The following USP3 variants were observed in gnomAD, a reference collection of about 807,000 sequenced individuals.
The protein encoded by USP3 is ubiquitin carboxyl-terminal hydrolase 3.
A neutral mutation model predicts 72.3 loss-of-function variants in USP3; 20 were observed. That is an observed-to-expected ratio of 0.28 (90% CI 0.19 to 0.40). USP3 has a LOEUF of 0.40. Among genes scored for constraint, USP3 ranks in the 10% least tolerant of loss-of-function variants. USP3 has a pLI of 1.00. For synonymous variants in USP3, 222 were observed against 225.3 expected (o/e 0.99, Z 0.13); for missense variants, 479 against 633.9 (o/e 0.76, Z 2.62).
At chr15:63,558,236 C>A (rs1338871692) in intron 6 of USP3, 48 bp downstream of exon 6, 11 of 1,600,688 alleles carry the variant, frequency 6.9e-6, no homozygotes, top group Non-Finnish European at 9.4e-6. Flanking sequence ...AGGTTAAGAG[C>A]ACGGGCTCTG....
rs115504031 is a variant in USP3 at position 63,548,792 on chromosome 15, C to T, written c.285-4923C>T. Among the ~76,000 whole-genome samples the T allele has an allele frequency of 6.8e-3, 1,041 of 152,188 alleles. 14 individuals are homozygous for T. Among genetic ancestry groups the T allele is most frequent in the African/African-American group, 0.024 (1,001 of 41,496 alleles). ...CACTGCAACCTCTGTCTCCCGGGTTCAGGCAATTCTCATGCCTCAACCTCC... is the reference window on the plus strand; with the variant it reads ...CACTGCAACCTCTGTCTCCCGGGTTTAGGCAATTCTCATGCCTCAACCTCC... On this transcript the variant is annotated intron_variant, in intron 3 of 14. Transcript: ENST00000380324.
intron 3 of USP3, among the ~76,000 whole-genome samples, chr15:63,539,518 T>A (rs2066210603): frequency 6.6e-6 from 1 of 152,258 alleles, no homozygotes; most frequent in African/African-American, 2.4e-5. Flanking sequence ...TATATTTTAA[T>A]ATCTTTATAC....
At chr15:63,533,971 G>A (rs149317438) in intron 2 of USP3, 15 of 747,538 alleles carry the variant, frequency 2.0e-5, no homozygotes, top group Non-Finnish European at 2.2e-5. Context: ...CAGAAGTCTC[G>A]TAGTGCTCTA....
At chr15:63,580,079 A>G (rs748381269) in intron 11 of USP3, among the ~76,000 whole-genome samples, 1 of 152,144 alleles carries the variant, frequency 6.6e-6, no homozygotes, top group Non-Finnish European at 1.5e-5. Flanking sequence ...AAAATCAAAC[A>G]ATTTAAATGT....
intron 4 of USP3, among the ~76,000 whole-genome samples, chr15:63,554,153 C>CTTTT (rs1346777944): frequency 3.9e-5 from 6 of 152,052 alleles, no homozygotes; most frequent in Non-Finnish European, 8.8e-5. Context: ...TAATAGAAAA[C>CTTTT]CCCTGTCAAA....
Position 63,532,692 on chromosome 15 carries a change from G to C in USP3, c.137G>C (p.Ser46Thr). 6.2e-7 allele frequency: 1 copy of C among 1,614,020 alleles called. No homozygotes were observed. The highest frequency in any genetic ancestry group is 8.5e-7 in the Non-Finnish European group (1 of 1,179,940). The change falls in exon 2 of 15, where the codon AGT becomes ACT. Residue 46 changes from serine to threonine, a missense_variant. Physicochemically the swap from Ser to Thr is moderately conservative, Grantham distance 58. Transcript: ENST00000380324. Reference protein sequence around the residue: ...KSPWVCLTCSSVHCGRYVNGH... With the variant: ...KSPWVCLTCSTVHCGRYVNGH... ...CCTTGGGTCTGTTTGACTTGTTCAAGTGTCCACTGTGGAAGGTAGGTGACA... is the reference window on the plus strand; with the variant it reads ...CCTTGGGTCTGTTTGACTTGTTCAACTGTCCACTGTGGAAGGTAGGTGACA...
rs1350464210 is a variant in USP3 at position 63,593,637 on chromosome 15, G to A, written c.*2811G>A. The A allele has an allele frequency of 6.6e-6, 1 of 152,244 alleles. No homozygotes were observed. The highest frequency in any genetic ancestry group is 1.5e-5 in the Non-Finnish European group (1 of 68,046). The allele number at this position is 152,244 out of a possible 1,614,324, so 9.4% of individuals were successfully genotyped here. A position where few individuals can be genotyped will look rare whatever the true frequency, so the allele number is the denominator to read the frequency against. On this transcript the variant is annotated 3_prime_UTR_variant, in exon 15 of 15. Coordinates refer to ENST00000380324, the MANE Select transcript of USP3 (RefSeq NM_006537.4). ...ACTTGAACAGAAACGTTTGAATGGT[G>A]TGAAGATTCTTTAGAAAAGTGATTG... is the stretch of plus-strand genomic sequence containing the variant.
intron 11 of USP3, among the ~76,000 whole-genome samples, chr15:63,580,111 A>G (rs2066928828): frequency 6.6e-6 from 1 of 152,196 alleles, no homozygotes; most frequent in Admixed American, 6.5e-5. Context: ...GCACTGGTTT[A>G]ATAAATTGCA....
chr15:63,504,976 A>T, intron 1 of USP3, 146 bp downstream of exon 1: 1 of 460,684 alleles, frequency 2.2e-6, no homozygotes, highest in Non-Finnish European at 3.0e-6. Context: ...AGGGTACGCG[A>T]TGAGGCGGGC....
At chr15:63,545,985 A>C (rs994809428) in intron 3 of USP3, among the ~76,000 whole-genome samples, 21 of 148,912 alleles carry the variant, frequency 1.4e-4, no homozygotes, top group African/African-American at 4.9e-4. Context: ...AAAAAAAAAA[A>C]AAAAAAAAAA....
chr15:63,524,059 A>G (rs1392861430), intron 1 of USP3, among the ~76,000 whole-genome samples: 1 of 152,216 alleles, frequency 6.6e-6, no homozygotes, highest in Non-Finnish European at 1.5e-5. Flanking sequence ...TTTTAAACTT[A>G]CTTGTTACTG....
intron 3 of USP3, among the ~76,000 whole-genome samples, chr15:63,552,648 A>G (rs2066452829): frequency 6.6e-6 from 1 of 152,204 alleles, no homozygotes; most frequent in Non-Finnish European, 1.5e-5. Context: ...GCATTCACTT[A>G]AAATTTTCAT....
At chr15:63,533,731 C>A in intron 2 of USP3, 1 of 542,980 alleles carries the variant, frequency 1.8e-6, no homozygotes, top group Non-Finnish European at 2.9e-6. Flanking sequence ...TTTCCATGTG[C>A]ACTTAAGAGT....
chr15:63,517,026 A>G (rs1160302977), intron 1 of USP3, among the ~76,000 whole-genome samples: 2 of 148,490 alleles, frequency 1.3e-5, no homozygotes, highest in African/African-American at 2.5e-5. Context: ...AGTTTCTGGT[A>G]TATTTCCTTG....
chr15:63,582,950 G>A (rs980692053), intron 11 of USP3, among the ~76,000 whole-genome samples: 1 of 152,168 alleles, frequency 6.6e-6, no homozygotes, highest in African/African-American at 2.4e-5. Flanking sequence ...AGTAATCTCA[G>A]TGCTCCTCAG....
At chr15:63,515,904 T>G (rs552476898) in intron 1 of USP3, among the ~76,000 whole-genome samples, 38 of 152,334 alleles carry the variant, frequency 2.5e-4, no homozygotes, top group African/African-American at 8.9e-4. Flanking sequence ...TTTAGCATTC[T>G]CTCTCATATT....
chr15:63,557,623 G>T (rs570907948), intron 5 of USP3, among the ~76,000 whole-genome samples: 2 of 152,250 alleles, frequency 1.3e-5, no homozygotes, highest in South Asian at 4.1e-4. Flanking sequence ...TGAGGCGCCT[G>T]GCCTCAGGCA....
intron 1 of USP3, among the ~76,000 whole-genome samples, chr15:63,514,930 A>C (rs189749470): frequency 3.7e-4 from 57 of 152,340 alleles, no homozygotes; most frequent in African/African-American, 1.3e-3. Context: ...AAATGAAGAT[A>C]TTAGATGTCA....
intron 7 of USP3, among the ~76,000 whole-genome samples, chr15:63,560,601 G>A (rs1210926153): frequency 6.6e-6 from 1 of 151,916 alleles, no homozygotes; most frequent in African/African-American, 2.4e-5. Context: ...GTCCGACAGT[G>A]TTAGGTAAAC....
Sources: gnomAD v4.1 joint callset for allele counts (sites outside exome capture counted in the v4.1 genomes callset) on GRCh38, gnomAD v4.1.1 for gene constraint, MANE v1.5 for transcripts, NCBI Gene and HGNC (gene_info 2026-07-23, HGNC 2026-07-21) for gene names.